The following GSG1L variants were observed in gnomAD, a reference collection of about 807,000 sequenced individuals.
GSG1L encodes germ cell-specific gene 1-like protein.
In GSG1L, 24 loss-of-function variants were observed where a neutral mutation model predicts 42.1. The ratio of observed to expected loss-of-function variants is 0.57; its 90% CI spans 0.41 to 0.80. GSG1L has a LOEUF of 0.80. Among genes scored for constraint, GSG1L ranks in the 30% least tolerant of loss-of-function variants. The pLI is 0.00. For synonymous variants in GSG1L, 215 were observed against 203.5 expected (o/e 1.06, Z -0.48); for missense variants, 445 against 472.2 (o/e 0.94, Z 0.53).
At chr16:27,848,498 G>A (rs1024447047) in intron 3 of GSG1L, among the ~76,000 whole-genome samples, 2 of 152,160 alleles carry the variant, frequency 1.3e-5, no homozygotes, top group East Asian at 1.9e-4. Flanking sequence ...ATCAGCCAAC[G>A]AATATTTAGC....
chr16:27,919,194 C>T (rs1028147420), intron 2 of GSG1L, among the ~76,000 whole-genome samples: 6 of 152,140 alleles, frequency 3.9e-5, no homozygotes, highest in East Asian at 1.9e-4. Flanking sequence ...CAAACCTGTT[C>T]GTATCCAAGA....
chr16:27,882,681 C>G (rs1423152551), intron 3 of GSG1L, among the ~76,000 whole-genome samples: 1 of 152,164 alleles, frequency 6.6e-6, no homozygotes, highest in Admixed American at 6.5e-5. Flanking sequence ...GTTGCCTTCC[C>G]CATGCCCACC....
intron 2 of GSG1L, among the ~76,000 whole-genome samples, chr16:27,888,332 C>A (rs2084054538): frequency 6.6e-6 from 1 of 152,210 alleles, no homozygotes; most frequent in Non-Finnish European, 1.5e-5. Flanking sequence ...GTAACTTAAC[C>A]ATGGGGAAAT....
chr16:27,909,548 C>G (rs1231046471), intron 2 of GSG1L, among the ~76,000 whole-genome samples: 1 of 150,922 alleles, frequency 6.6e-6, no homozygotes, highest in Admixed American at 6.6e-5. Context: ...CACCACTGAC[C>G]TGGCCCCAGA....
Position 27,920,280 on chromosome 16 carries a change from T to G in GSG1L, c.398-35642A>C, listed in dbSNP as rs576681695. On this transcript the variant is annotated intron_variant, in intron 2 of 6. Transcript: ENST00000447459. ...CCTACTGTATCTTTGCTGACCCTAG[T>G]CTGTGGGCTTTTTTGGACTGTAGCA... Among the ~76,000 whole-genome samples the G allele has an allele frequency of 5.3e-5, 8 of 152,338 alleles. No homozygotes were observed. The South Asian group carries it at 1.7e-3, about 32-fold the overall frequency.
At chr16:28,062,849 C>G (rs1374460590) in intron 1 of GSG1L, among the ~76,000 whole-genome samples, 1 of 152,130 alleles carries the variant, frequency 6.6e-6, no homozygotes, top group Admixed American at 6.5e-5. Context: ...GGAGCTCTGC[C>G]TTGCACCTCT....
intron 5 of GSG1L, among the ~76,000 whole-genome samples, chr16:27,826,534 C>T (rs1219753292): frequency 1.3e-5 from 2 of 152,072 alleles, no homozygotes; most frequent in East Asian, 1.9e-4. Flanking sequence ...TGAGGGGAGG[C>T]GGTCCCAGGA....
intron 5 of GSG1L, among the ~76,000 whole-genome samples, chr16:27,823,265 C>A: frequency 6.6e-6 from 1 of 152,138 alleles, no homozygotes; most frequent in East Asian, 1.9e-4. Context: ...GCCCTCCAAT[C>A]CAGCAAACCC....
intron 1 of GSG1L, among the ~76,000 whole-genome samples, chr16:28,030,935 A>G (rs12929589): frequency 6.2e-5 from 5 of 80,684 alleles, no homozygotes; most frequent in Admixed American, 1.6e-4. Context: ...GGATGGGATG[A>G]GTTGTATTGA....
chr16:27,790,209 G>A lies in GSG1L; in HGVS notation c.*1161C>T, dbSNP rs1181751480. The A allele has an allele frequency of 2.0e-5, 3 of 151,940 alleles. No homozygotes were observed. The highest frequency in any genetic ancestry group is 1.9e-4 in the East Asian group (1 of 5,164). 9.4% of individuals were successfully genotyped at this position (151,940 alleles called of 1,614,324 possible). ...ATGAATGGGTGGATAATAGATGGAC[G>A]AATGATGAATGGATGGATGGATAAT... On this transcript the variant is annotated 3_prime_UTR_variant, in exon 7 of 7. Coordinates refer to ENST00000447459, the MANE Select transcript of GSG1L (RefSeq NM_001109763.2).
chr16:27,800,849 G>T (rs2082873524), intron 6 of GSG1L, among the ~76,000 whole-genome samples: 1 of 152,178 alleles, frequency 6.6e-6, no homozygotes, highest in African/African-American at 2.4e-5. Flanking sequence ...AACACTCAAG[G>T]CGCCTGTTCT....
intron 2 of GSG1L, among the ~76,000 whole-genome samples, chr16:27,887,240 G>A (rs917846980): frequency 6.6e-6 from 1 of 152,064 alleles, no homozygotes; most frequent in Non-Finnish European, 1.5e-5. Flanking sequence ...ACAGGCATGT[G>A]CACCATGCCC....
chr16:27,946,674 AAG>A (rs1423687399), intron 2 of GSG1L, among the ~76,000 whole-genome samples: 2 of 148,364 alleles, frequency 1.3e-5, no homozygotes, highest in African/African-American at 5.0e-5. Flanking sequence ...GAAAGAAAGA[AAG>A]AAAGAAAGAA....
At chr16:27,967,843 G>A (rs968740385) in intron 1 of GSG1L, among the ~76,000 whole-genome samples, 1 of 152,168 alleles carries the variant, frequency 6.6e-6, no homozygotes, top group African/African-American at 2.4e-5. Context: ...AATATGGTAG[G>A]TGGAGGTTGC....
chr16:28,013,485 T>C (rs896133094), intron 1 of GSG1L, among the ~76,000 whole-genome samples: 1 of 152,072 alleles, frequency 6.6e-6, no homozygotes, highest in Admixed American at 6.6e-5. Flanking sequence ...ATGCTTTGGG[T>C]CTTCAGGGCC....
intron 2 of GSG1L, among the ~76,000 whole-genome samples, chr16:27,904,008 A>C (rs1016822268): frequency 4.6e-5 from 7 of 151,674 alleles, no homozygotes; most frequent in Non-Finnish European, 1.0e-4. Flanking sequence ...TGCCAGGCAC[A>C]CTCTTGCCTT....
chr16:27,884,523 C>T lies in GSG1L; in HGVS notation c.513G>A (p.Lys171=), dbSNP rs2084003872. The change falls in exon 3 of 7, where the codon AAG becomes AAA. Residue 171 remains lysine, a synonymous_variant. Coordinates refer to ENST00000447459, the MANE Select transcript of GSG1L (RefSeq NM_001109763.2). This position sits in a 1 kb window ranked among gnomAD's most constrained non-coding sequence, Gnocchi z 4.4. ...TGAAGACAGCCGCGAAGGCATTGAG[C>T]TTGAGCCCGTCGATGACATTGCTGG... The part of the protein sequence containing the change: ...FHSSNVIDGL[K]LNAFAAVFTV... 2 of 1,613,984 alleles carry T rather than the reference C, an allele frequency of 1.2e-6. No individual in the cohort carries two copies. Among genetic ancestry groups the T allele is most frequent in the East Asian group, 4.5e-5 (2 of 44,878 alleles).
At chr16:27,895,371 C>T (rs1028924353) in intron 2 of GSG1L, among the ~76,000 whole-genome samples, 1 of 152,108 alleles carries the variant, frequency 6.6e-6, no homozygotes, top group Non-Finnish European at 1.5e-5. Flanking sequence ...ATGCGTCTTG[C>T]CGGGCTCTCA....
intron 2 of GSG1L, among the ~76,000 whole-genome samples, chr16:27,915,056 A>G (rs756205267): frequency 9.9e-5 from 15 of 152,152 alleles, no homozygotes; most frequent in Non-Finnish European, 2.1e-4. Context: ...CAAGAAAGGA[A>G]CAAATGGCTC....
Sources: gnomAD v4.1 joint callset for allele counts (sites outside exome capture counted in the v4.1 genomes callset) on GRCh38, gnomAD v4.1.1 for gene constraint, Gnocchi (gnomAD v3.1) non-coding constraint, MANE v1.5 for transcripts, NCBI Gene and HGNC (gene_info 2026-07-23, HGNC 2026-07-21) for gene names.